UVRAG: variants seen among roughly 807,000 people sequenced by gnomAD.
UVRAG encodes the protein UV radiation resistance-associated gene protein.
A neutral mutation model predicts 78.0 loss-of-function variants in UVRAG; 19 were observed. The observed-to-expected ratio is 0.24, with a 90% CI of 0.17 to 0.36. The LOEUF is 0.36. UVRAG is among the 10% of genes least tolerant of loss of function. UVRAG has a pLI of 1.00. For missense variants in UVRAG, 740 were observed against 853.8 expected (o/e 0.87, Z 1.66); for synonymous variants, 323 against 324.6 (o/e 1.00, Z 0.05).
At chr11:75,954,456 G>C (rs1458067644) in intron 6 of UVRAG, among the ~76,000 whole-genome samples, 1 of 152,078 alleles carries the variant, frequency 6.6e-6, no homozygotes, top group African/African-American at 2.4e-5. Context: ...ATCATTTTTA[G>C]AATTCTGATA....
rs980799402 is a variant in UVRAG at position 75,930,618 on chromosome 11, G to C, written c.593+18579G>C. Among the ~76,000 whole-genome samples, 4 of 152,194 alleles carry C rather than the reference G, an allele frequency of 2.6e-5. 1 individual carries two copies. The highest frequency in any genetic ancestry group is 9.7e-5 in the African/African-American group (4 of 41,440). ...ATTCCAATTTTGATGCTTCAACACG[G>C]AGCTGTCCCCTGTAGCCTTGGAGAC... On this transcript the variant is annotated intron_variant, in intron 6 of 14. Coordinates refer to ENST00000356136, the MANE Select transcript of UVRAG (RefSeq NM_003369.4).
chr11:75,826,082 C>G (rs1161213323), intron 1 of UVRAG, among the ~76,000 whole-genome samples: 1 of 151,748 alleles, frequency 6.6e-6, no homozygotes, highest in African/African-American at 2.4e-5. Flanking sequence ...GGTGATCCAC[C>G]CACCTTGGCC....
chr11:75,835,118 T>A (rs1945748916), intron 1 of UVRAG: 1 of 152,244 alleles, frequency 6.6e-6, no homozygotes, highest in African/African-American at 2.4e-5. Context: ...TATCCTCTTA[T>A]ATACTGTGCC....
At chr11:75,973,247 A>G (rs1173594051) in intron 7 of UVRAG, among the ~76,000 whole-genome samples, 1 of 152,198 alleles carries the variant, frequency 6.6e-6, no homozygotes, top group Non-Finnish European at 1.5e-5. Flanking sequence ...TTTATCATGA[A>G]TCGTAGTTGG....
chr11:75,982,461 A>G (rs1053722755), intron 7 of UVRAG, among the ~76,000 whole-genome samples: 1 of 152,196 alleles, frequency 6.6e-6, no homozygotes, highest in African/African-American at 2.4e-5. Flanking sequence ...GTAGAGTGAA[A>G]GTGACTCTCA....
At chr11:76,000,306 T>C (rs1949788194) in intron 8 of UVRAG, among the ~76,000 whole-genome samples, 1 of 152,134 alleles carries the variant, frequency 6.6e-6, no homozygotes, top group African/African-American at 2.4e-5. Context: ...ACTTTGAATA[T>C]AAAGGTAGAT....
chr11:75,923,906 T>C (rs1020901999), intron 6 of UVRAG, among the ~76,000 whole-genome samples: 7 of 152,238 alleles, frequency 4.6e-5, no homozygotes, highest in African/African-American at 1.7e-4. Context: ...GTTAGAAATG[T>C]TGTTACATTA....
chr11:76,023,000 A>G (rs1704775576), intron 12 of UVRAG, among the ~76,000 whole-genome samples: 1 of 152,094 alleles, frequency 6.6e-6, no homozygotes. Context: ...GTTTGAACTG[A>G]TACCAGTTAG....
intron 11 of UVRAG, among the ~76,000 whole-genome samples, chr11:76,016,328 A>G (rs1950144336): frequency 6.6e-6 from 1 of 152,180 alleles, no homozygotes; most frequent in African/African-American, 2.4e-5. Flanking sequence ...AACATACCCC[A>G]TAAGAATGAT....
In UVRAG at chr11:75,851,868, G is replaced by T. The variant is rs1426853408; in HGVS notation, c.118-15G>T. 3.8e-6 allele frequency: 6 copies of T among 1,587,226 alleles called. No homozygotes were observed. The highest frequency in any genetic ancestry group is 3.8e-5 in the Admixed American group (2 of 52,232). On this transcript the variant is annotated splice_polypyrimidine_tract_variant and intron_variant, in intron 1 of 14. Transcript: ENST00000356136. ...AAAATCTGAATGCCTTCTCTTTTTT[G>T]TTGTTATTTTTCAGCGGCGTCTTCG...
At chr11:76,002,351 AT>A (rs983970383) in intron 8 of UVRAG, among the ~76,000 whole-genome samples, 1 of 151,940 alleles carries the variant, frequency 6.6e-6, no homozygotes, top group Non-Finnish European at 1.5e-5. Context: ...TGATTGGGAT[AT>A]TTTTTTTAAT....
intron 6 of UVRAG, among the ~76,000 whole-genome samples, chr11:75,943,252 T>C (rs188888919): frequency 3.0e-4 from 46 of 152,104 alleles, no homozygotes; most frequent in Admixed American, 2.4e-3. Flanking sequence ...CAACCTCTTA[T>C]TGAGACAATT....
chr11:75,992,076 A>G (rs1192674964), intron 8 of UVRAG, among the ~76,000 whole-genome samples: 1 of 152,188 alleles, frequency 6.6e-6, no homozygotes, highest in African/African-American at 2.4e-5. Context: ...ACATATTAGT[A>G]CCCAGTTTGC....
intron 5 of UVRAG, among the ~76,000 whole-genome samples, chr11:75,892,020 G>C (rs577285851): frequency 1.3e-5 from 2 of 152,330 alleles, no homozygotes; most frequent in South Asian, 4.2e-4. Context: ...GACTAAAAGA[G>C]TTTGCTGTGA....
At chr11:76,125,861 T>G (rs1952377798) in intron 14 of UVRAG, among the ~76,000 whole-genome samples, 1 of 152,222 alleles carries the variant, frequency 6.6e-6, no homozygotes, top group Non-Finnish European at 1.5e-5. Context: ...GTATTTCTTT[T>G]CTAATTCAGA....
At chr11:76,012,145 C>A (rs2135356931) in intron 11 of UVRAG, among the ~76,000 whole-genome samples, 1 of 151,944 alleles carries the variant, frequency 6.6e-6, no homozygotes, top group Admixed American at 6.5e-5. Context: ...ATGATTTTGC[C>A]ACTGTACTCC....
chr11:75,965,604 C>T (rs1001046374), intron 7 of UVRAG, among the ~76,000 whole-genome samples: 1 of 152,174 alleles, frequency 6.6e-6, no homozygotes. Flanking sequence ...CATGAGCCAC[C>T]GCGCCCGGCA....
At chr11:75,919,581 C>T (rs1034348730) in intron 6 of UVRAG, among the ~76,000 whole-genome samples, 1 of 152,186 alleles carries the variant, frequency 6.6e-6, no homozygotes, top group African/African-American at 2.4e-5. Context: ...CCCTGTCTCA[C>T]TACTTCATGT....
chr11:76,061,073 T>G (rs1477320562), intron 12 of UVRAG, among the ~76,000 whole-genome samples: 1 of 152,164 alleles, frequency 6.6e-6, no homozygotes, highest in Non-Finnish European at 1.5e-5. Flanking sequence ...AGCTAAGGGA[T>G]TGTAAATACA....
Sources: allele counts gnomAD v4.1 joint callset (sites outside exome capture counted in the v4.1 genomes callset), GRCh38; gene constraint gnomAD v4.1.1; transcripts MANE v1.5; gene names NCBI Gene and HGNC (gene_info 2026-07-23, HGNC 2026-07-21).